The following PDE4D variants were observed in gnomAD, a reference collection of about 807,000 sequenced individuals.
The protein encoded by PDE4D is phosphodiesterase 4D, also known as 3',5'-cyclic-AMP phosphodiesterase 4D.
In PDE4D, 24 loss-of-function variants were observed where a neutral mutation model predicts 87.4. That is an observed-to-expected ratio of 0.27 (90% CI 0.20 to 0.39). The LOEUF is 0.39. Among genes scored for constraint, PDE4D ranks in the 10% least tolerant of loss-of-function variants. The probability of loss-of-function intolerance (pLI) is 1.00; values close to 1 mark genes in which losing one functional copy is unlikely to be tolerated. For missense variants in PDE4D, 714 were observed against 1,041.0 expected (o/e 0.69, Z 4.32); for synonymous variants, 384 against 383.2 (o/e 1.00, Z -0.02).
chr5:59,335,222 G>C (rs762450173), intron 1 of PDE4D, among the ~76,000 whole-genome samples: 3 of 152,216 alleles, frequency 2.0e-5, no homozygotes, highest in Non-Finnish European at 4.4e-5. Flanking sequence ...TCCTGGCATA[G>C]TATAGGTGCT....
At chr5:59,388,041 G>A (rs975241308) in intron 1 of PDE4D, among the ~76,000 whole-genome samples, 13 of 151,984 alleles carry the variant, frequency 8.6e-5, no homozygotes, top group African/African-American at 3.1e-4. Context: ...AGATCATGTG[G>A]TGGTTGTCAT....
intron 1 of PDE4D, among the ~76,000 whole-genome samples, chr5:60,193,736 C>T (rs988098077): frequency 8.2e-5 from 12 of 146,788 alleles, no homozygotes; most frequent in African/African-American, 3.0e-4. Flanking sequence ...TCACAATTTT[C>T]AAGAAAAATA....
chr5:59,234,470 A>T (rs573159023), intron 1 of PDE4D, among the ~76,000 whole-genome samples: 32 of 152,280 alleles, frequency 2.1e-4, no homozygotes, highest in African/African-American at 7.5e-4. Context: ...AGATTTTTCT[A>T]ACCAGCTATA....
At chr5:59,604,196 C>A (rs1445410732) in intron 1 of PDE4D, among the ~76,000 whole-genome samples, 2 of 149,252 alleles carry the variant, frequency 1.3e-5, no homozygotes, top group East Asian at 4.0e-4. Flanking sequence ...TCTCTTATTA[C>A]CACTTTATTT....
intron 3 of PDE4D, among the ~76,000 whole-genome samples, chr5:59,956,806 A>G (rs1758883735): frequency 6.6e-6 from 1 of 152,218 alleles, no homozygotes; most frequent in Admixed American, 6.5e-5. Flanking sequence ...AAACTGGCTA[A>G]CAAAAATAAA....
At chr5:60,342,482 A>C (rs1157918551) in intron 1 of PDE4D, among the ~76,000 whole-genome samples, 2 of 152,126 alleles carry the variant, frequency 1.3e-5, no homozygotes, top group African/African-American at 4.8e-5. Flanking sequence ...TTCCTATATC[A>C]CATCAAATGA....
intron 1 of PDE4D, among the ~76,000 whole-genome samples, chr5:59,443,486 T>C (rs1797933814): frequency 1.3e-5 from 2 of 152,240 alleles, no homozygotes; most frequent in Admixed American, 1.3e-4. Context: ...AATAAAAGCA[T>C]GTACTCTCTC....
At chr5:60,239,486 C>T (rs1009617797) in intron 1 of PDE4D, among the ~76,000 whole-genome samples, 6 of 152,098 alleles carry the variant, frequency 3.9e-5, no homozygotes, top group African/African-American at 1.2e-4. Context: ...CAAAACCACT[C>T]TTGTGTGAGC....
At chr5:60,238,680 C>T (rs1746710112) in intron 1 of PDE4D, among the ~76,000 whole-genome samples, 1 of 151,826 alleles carries the variant, frequency 6.6e-6, no homozygotes, top group Admixed American at 6.6e-5. Context: ...TATCTTTCAC[C>T]TATTTTTCCA....
intron 3 of PDE4D, among the ~76,000 whole-genome samples, chr5:59,944,174 T>A (rs1479840311): frequency 1.3e-5 from 2 of 152,080 alleles, no homozygotes; most frequent in Non-Finnish European, 2.9e-5. Context: ...TTAAGAAGAG[T>A]CATGTGTCTG....
At chr5:59,502,229 A>T (rs141181116) in intron 1 of PDE4D, among the ~76,000 whole-genome samples, 506 of 152,268 alleles carry the variant, frequency 3.3e-3, no homozygotes, top group African/African-American at 0.012. Flanking sequence ...CTTATGTGGA[A>T]CACCTGTGGT....
intron 1 of PDE4D, among the ~76,000 whole-genome samples, chr5:59,570,404 C>T (rs1034249238): frequency 3.3e-5 from 5 of 151,990 alleles, no homozygotes; most frequent in African/African-American, 7.3e-5. Flanking sequence ...AGGACACATT[C>T]GGGTGCCAAA....
chr5:59,199,286 G>T (rs1746191752), intron 2 of PDE4D, among the ~76,000 whole-genome samples: 1 of 149,338 alleles, frequency 6.7e-6, no homozygotes. Context: ...TGGCATGGAG[G>T]TTTGCTATGT....
chr5:60,338,199 T>C (rs756249715), intron 1 of PDE4D, among the ~76,000 whole-genome samples: 173 of 152,242 alleles, frequency 1.1e-3, no homozygotes, highest in Admixed American at 1.7e-3. Context: ...TTGCTTGCCG[T>C]AACAGAAACC....
At chr5:59,507,520 C>A (rs1809475592) in intron 1 of PDE4D, among the ~76,000 whole-genome samples, 1 of 151,150 alleles carries the variant, frequency 6.6e-6, no homozygotes. Flanking sequence ...ATAAAATTAG[C>A]CAGGTGTGGT....
intron 2 of PDE4D, among the ~76,000 whole-genome samples, chr5:60,121,573 A>T (rs141636824): frequency 6.6e-6 from 1 of 152,126 alleles, no homozygotes; most frequent in Admixed American, 6.5e-5. Context: ...ATCTTGTGAG[A>T]CTTATTCACG....
chr5:58,977,027 T>C (rs1480271025), intron 12 of PDE4D, among the ~76,000 whole-genome samples, 164 bp downstream of exon 12: 2 of 152,138 alleles, frequency 1.3e-5, no homozygotes, highest in African/African-American at 4.8e-5. Flanking sequence ...AAAAACCTAT[T>C]ACAGAACATC....
intron 1 of PDE4D, among the ~76,000 whole-genome samples, chr5:59,510,155 G>C (rs1055263442): frequency 5.3e-5 from 8 of 150,472 alleles, no homozygotes; most frequent in Admixed American, 2.0e-4. Flanking sequence ...ACTTGAGTGA[G>C]AGAAGAAATC....
At chr5:60,012,893 G>C (rs1385245105) in intron 2 of PDE4D, among the ~76,000 whole-genome samples, 1 of 152,170 alleles carries the variant, frequency 6.6e-6, no homozygotes, top group Non-Finnish European at 1.5e-5. Flanking sequence ...TATGGCTCAA[G>C]ATCTGCCCAC....
Sources: allele counts gnomAD v4.1 joint callset (sites outside exome capture counted in the v4.1 genomes callset), GRCh38; gene constraint gnomAD v4.1.1; transcripts MANE v1.5; gene names NCBI Gene and HGNC (gene_info 2026-07-23, HGNC 2026-07-21).